Variants in CFAP157 observed in about 807,000 individuals in gnomAD.
CFAP157 encodes the protein cilia and flagella associated protein 157, also known as cilia- and flagella-associated protein 157.
In CFAP157, 43 loss-of-function variants were observed where a neutral mutation model predicts 57.8. The ratio of observed to expected loss-of-function variants is 0.74; its 90% CI spans 0.58 to 0.96. The LOEUF is 0.96. Among genes scored for constraint, CFAP157 ranks in the 40% least tolerant of loss-of-function variants. CFAP157 has a pLI of 0.00. For missense variants in CFAP157, 606 were observed against 655.3 expected (o/e 0.92, Z 0.82); for synonymous variants, 267 against 269.0 (o/e 0.99, Z 0.07).
chr9:127,713,213 G>T lies in CFAP157; in HGVS notation c.1491+7G>T. On this transcript the variant is annotated splice_region_variant and intron_variant, in intron 8 of 8. Coordinates refer to ENST00000373295, the MANE Select transcript of CFAP157 (RefSeq NM_001012502.3). Reference sequence around the variant, plus strand: ...GGCACACAGCAGCCCTGAGGTGAGGGTGCCAGGGGCCCCAGGGAAAGCAAG... The same window carrying T: ...GGCACACAGCAGCCCTGAGGTGAGGTTGCCAGGGGCCCCAGGGAAAGCAAG... 2.6e-6 allele frequency: 4 copies of T among 1,519,514 alleles called. No homozygotes were observed. The highest frequency in any genetic ancestry group is 3.5e-6 in the Non-Finnish European group (4 of 1,133,928). 94.1% of individuals were successfully genotyped at this position (1,519,514 alleles called of 1,614,324 possible).
rs747616414 is a variant in CFAP157 at position 127,709,586 on chromosome 9, A to C, written c.326A>C (p.Gln109Pro). Reference sequence around the variant, plus strand: ...CTCAACGAGCAGCTCCAGAACTTGCAGCTAGCCAAAGAGATGGAGAAGGAT... The same window carrying C: ...CTCAACGAGCAGCTCCAGAACTTGCCGCTAGCCAAAGAGATGGAGAAGGAT... ...TDLNEQLQNL[Q>P]LAKEMEKDAF... The change falls in exon 2 of 9, where the codon CAG becomes CCG. Residue 109 changes from glutamine (Q) to proline (P), a missense_variant. Coordinates refer to ENST00000373295, the MANE Select transcript of CFAP157 (RefSeq NM_001012502.3). This position sits in a 1 kb window ranked among gnomAD's most constrained non-coding sequence, Gnocchi z 4.7. 1 of 1,614,054 alleles carries C rather than the reference A, an allele frequency of 6.2e-7. No individual in the cohort carries two copies. The highest frequency in any genetic ancestry group is 1.6e-4 in the Middle Eastern group (1 of 6,062).
At position 127,715,119 on chromosome 9, in the gene CFAP157, G is replaced by C; in HGVS notation, c.*1214G>C. ...CAACTCTCCGCCACACCCAGCCGCC[G>C]CGCCAGCTGCCCCAGCACCGCCATG... is the stretch of plus-strand genomic sequence containing the variant. On this transcript the variant is annotated 3_prime_UTR_variant, in exon 9 of 9. Transcript: ENST00000373295. This position sits in a 1 kb window ranked among gnomAD's most constrained non-coding sequence, Gnocchi z 5.8. 1 of 1,534,886 alleles carries C rather than the reference G, an allele frequency of 6.5e-7. No individual in the cohort carries two copies. Among genetic ancestry groups the C allele is most frequent in the Non-Finnish European group, 8.7e-7 (1 of 1,146,320 alleles).
rs772829577 is a variant in CFAP157 at position 127,709,595 on chromosome 9, A to G, written c.335A>G (p.Lys112Arg). ...NEQLQNLQLA[K>R]EMEKDAFEAQ... ...CAGCTCCAGAACTTGCAGCTAGCCA[A>G]AGAGATGGAGAAGGATGCCTTCGAG... Residue 112 changes from lysine (K) to arginine (R), a missense_variant, in exon 2 of 9, where the codon AAA becomes AGA. Coordinates refer to ENST00000373295, the MANE Select transcript of CFAP157 (RefSeq NM_001012502.3). The surrounding 1 kb of genome is among the most constrained non-coding windows in gnomAD (Gnocchi z 4.7). 1.9e-6 allele frequency: 3 copies of G among 1,613,982 alleles called. No individual in the cohort carries two copies. The South Asian group carries it at 3.3e-5, about 18-fold the overall frequency.
In CFAP157 at chr9:127,713,004, G is replaced by A. The variant is rs199630039; in HGVS notation, c.1305-16G>A. ...GCTCGCCGAAGGCTCTGTGACCCTCGGCCCCCTCCCCACAGCCGGCCCAGC... is the reference window on the plus strand; with the variant it reads ...GCTCGCCGAAGGCTCTGTGACCCTCAGCCCCCTCCCCACAGCCGGCCCAGC... On this transcript the variant is annotated splice_polypyrimidine_tract_variant and intron_variant, in intron 7 of 8. Transcript: ENST00000373295. 9.9e-5 allele frequency: 160 copies of A among 1,610,270 alleles called. No homozygotes were observed. The African/African-American group carries it at 1.8e-3, about 18-fold the overall frequency.
Position 127,715,791 on chromosome 9 carries a change from T to G in CFAP157, c.*1886T>G, listed in dbSNP as rs1326378701. 3.4e-6 allele frequency: 5 copies of G among 1,461,290 alleles called. No homozygotes were observed. The South Asian group carries it at 6.4e-5, about 19-fold the overall frequency. The allele number at this position is 1,461,290 out of a possible 1,614,324, so 90.5% of individuals were successfully genotyped here. On this transcript the variant is annotated 3_prime_UTR_variant, in exon 9 of 9. Coordinates refer to ENST00000373295, the MANE Select transcript of CFAP157 (RefSeq NM_001012502.3). This position sits in a 1 kb window ranked among gnomAD's most constrained non-coding sequence, Gnocchi z 5.8. The stretch of plus-strand genomic sequence containing the variant: ...CTGAGGGGCGGAAGCGGCGAGGCGG[T>G]GGCCGAGTCCGGGAACCCAGGCGCC...
In CFAP157 at chr9:127,714,128, C is replaced by T. The variant is rs565746487; in HGVS notation, c.*223C>T. 49 of 1,613,394 alleles carry T rather than the reference C, an allele frequency of 3.0e-5. No individual in the cohort carries two copies. The highest frequency in any genetic ancestry group is 8.3e-5 in the Admixed American group (5 of 59,970). On this transcript the variant is annotated 3_prime_UTR_variant, in exon 9 of 9. Coordinates refer to ENST00000373295, the MANE Select transcript of CFAP157 (RefSeq NM_001012502.3). ...CGGCCCCAGTGAGGGCCCCTGGCTT[C>T]GCTCACGGATGTGGTCCAAGATCAG...
At chr9:127,710,445 C>CCAGGCAGGGTAGGGT (rs1167151056) in intron 2 of CFAP157, among the ~76,000 whole-genome samples, 156 bp from the exon 3 acceptor site, 1 of 152,036 alleles carries the variant, frequency 6.6e-6, no homozygotes, top group Admixed American at 6.6e-5. Flanking sequence ...GGTGACAGGG[C>CCAGGCAGGGTAGGGT]CAGGCAGGGT....
In CFAP157 at chr9:127,714,610, T is replaced by C. The variant is rs756589563; in HGVS notation, c.*705T>C. The C allele has an allele frequency of 7.4e-6, 12 of 1,613,740 alleles. No homozygotes were observed. The highest frequency in any genetic ancestry group is 1.0e-5 in the Non-Finnish European group (12 of 1,179,850). On this transcript the variant is annotated 3_prime_UTR_variant, in exon 9 of 9. Transcript: ENST00000373295. ...ACCATCTCAGGACCTCACCTGGCAC[T>C]GCCCCCCAGCTTCAGAGCCAGTCTC...
At chr9:127,710,842 TG>T in intron 3 of CFAP157, 88 bp downstream of exon 3, 4 of 1,438,934 alleles carry the variant, frequency 2.8e-6, no homozygotes, top group Non-Finnish European at 2.8e-6. Context: ...AGCTTCTAAC[TG>T]GGGGGTTAGA....
Position 127,712,733 on chromosome 9 carries a change from G to A in CFAP157, c.1162G>A (p.Asp388Asn), listed in dbSNP as rs1490100962. ...LQMHRDEEDS[D>N]VDVTFQPWHK... ...GATGCACCGCGATGAAGAGGACAGT[G>A]ACGTTGACGTGACGTTCCAGCCATG... Residue 388 changes from aspartate to asparagine, a missense_variant, in exon 7 of 9, where the codon GAC (aspartate) becomes AAC (asparagine). Asp to Asn is a conservative substitution (Grantham distance 23, BLOSUM62 1). Transcript: ENST00000373295. The A allele has an allele frequency of 7.4e-6, 12 of 1,614,032 alleles. No homozygotes were observed. The highest frequency in any genetic ancestry group is 1.3e-5 in the African/African-American group (1 of 74,912).
chr9:127,707,052 G>A lies in CFAP157; in HGVS notation c.21G>A (p.Val7=). The change falls in exon 1 of 9, where the codon GTG becomes GTA. Residue 7 remains valine (V), a synonymous_variant. Transcript: ENST00000373295. Reference sequence around the variant, plus strand: ...CAGCCATGGCTCCCAAAAAGAGTGTGAGCAAGGCAGGCAAGGAGCTTGAAG... The same window carrying A: ...CAGCCATGGCTCCCAAAAAGAGTGTAAGCAAGGCAGGCAAGGAGCTTGAAG... MAPKKS[V]SKAGKELEVK... The A allele has an allele frequency of 6.2e-7, 1 of 1,613,978 alleles. No homozygotes were observed. The highest frequency in any genetic ancestry group is 8.5e-7 in the Non-Finnish European group (1 of 1,180,006).
In CFAP157 at chr9:127,711,455, A is replaced by G. The variant is rs940344876; in HGVS notation, c.814A>G (p.Thr272Ala). 6 of 1,613,998 alleles carry G rather than the reference A, an allele frequency of 3.7e-6. No homozygotes were observed. The highest frequency in any genetic ancestry group is 5.1e-6 in the Non-Finnish European group (6 of 1,180,032). Residue 272 changes from threonine to alanine, a missense_variant, in exon 4 of 9, where the codon ACC (threonine) becomes GCC (alanine). By Grantham distance (58) the Thr-to-Ala change is moderately conservative (BLOSUM62 0). Coordinates refer to ENST00000373295, the MANE Select transcript of CFAP157 (RefSeq NM_001012502.3). ...LCKQLELLEN[T>A]QKVMARHKRG... ...CAAACAGCTGGAGCTGCTGGAGAAC[A>G]CCCAGAAGGTCATGGCCAGGCACAA...
chr9:127,715,559 C>CG lies in CFAP157; in HGVS notation c.*1660dup, dbSNP rs758395587. Reference sequence around the variant, plus strand: ...CGCCACTCACCATCCACCGCTTCCCCGGGGGGCGAGGCTCCAAAACACATC... The same window carrying CG: ...CGCCACTCACCATCCACCGCTTCCCCGGGGGGGCGAGGCTCCAAAACACATC... On this transcript the variant is annotated 3_prime_UTR_variant, in exon 9 of 9. Coordinates refer to ENST00000373295, the MANE Select transcript of CFAP157 (RefSeq NM_001012502.3). The surrounding 1 kb of genome is among the most constrained non-coding windows in gnomAD (Gnocchi z 5.8). 14 of 1,613,384 alleles carry CG rather than the reference C, an allele frequency of 8.7e-6. No individual in the cohort carries two copies. In the East Asian group the frequency reaches 1.6e-4, roughly 18 times the overall value.
rs745641656 is a variant in CFAP157 at position 127,714,002 on chromosome 9, T to C, written c.*97T>C. 38 of 1,580,082 alleles carry C rather than the reference T, an allele frequency of 2.4e-5. No individual in the cohort carries two copies. Among genetic ancestry groups the C allele is most frequent in the Admixed American group, 6.7e-5 (4 of 59,404 alleles). On this transcript the variant is annotated 3_prime_UTR_variant, in exon 9 of 9. Transcript: ENST00000373295. ...CAGCCTGGAACAGTCTAGAGGAGATTTGTATAAAAAGTAGATACCAAGGCT... is the reference window on the plus strand; with the variant it reads ...CAGCCTGGAACAGTCTAGAGGAGATCTGTATAAAAAGTAGATACCAAGGCT...
chr9:127,713,435 C>T (rs1281984456), intron 8 of CFAP157: 7 of 483,608 alleles, frequency 1.4e-5, no homozygotes, highest in South Asian at 4.2e-5. Context: ...TTCCCTCCCC[C>T]ACCAGCAGGG....
chr9:127,712,577 C>T (rs762148428), intron 6 of CFAP157, 132 bp from the exon 7 acceptor site: 59 of 1,559,612 alleles, frequency 3.8e-5, no homozygotes, highest in Non-Finnish European at 4.5e-5. Flanking sequence ...TCAGTCTTCC[C>T]GACTGAAGAA....
intron 4 of CFAP157, 26 bp from the exon 5 acceptor site, chr9:127,711,794 G>A: frequency 6.5e-7 from 1 of 1,549,522 alleles, no homozygotes; most frequent in Non-Finnish European, 8.7e-7. Flanking sequence ...CAGGCTGAGG[G>A]CATGGCCACC....
rs1842840342 is a variant in CFAP157, at chr9:127,714,142, G to C, written c.*237G>C. On this transcript the variant is annotated 3_prime_UTR_variant, in exon 9 of 9. Transcript: ENST00000373295. ...GCCCCTGGCTTCGCTCACGGATGTG[G>C]TCCAAGATCAGGTCGGTGGCTCGAT... 6.2e-7 allele frequency: 1 copy of C among 1,613,780 alleles called. No homozygotes were observed. Among genetic ancestry groups the C allele is most frequent in the African/African-American group, 1.3e-5 (1 of 75,066 alleles).
At position 127,709,733 on chromosome 9, in the gene CFAP157, C is replaced by T. The variant is rs767592297; in HGVS notation, c.433+40C>T. On this transcript the variant is annotated intron_variant, in intron 2 of 8. Transcript: ENST00000373295. This position sits in a 1 kb window ranked among gnomAD's most constrained non-coding sequence, Gnocchi z 4.7. ...GGCTGGTGAGCCTGCAGGCACACAT[C>T]CCAGCTCTATCACTGACCCTGTTTC... 6 of 1,590,836 alleles carry T rather than the reference C, an allele frequency of 3.8e-6. No individual in the cohort carries two copies. In the South Asian group the frequency reaches 6.7e-5, roughly 18 times the overall value.
Sources: gnomAD v4.1 joint callset for allele counts (sites outside exome capture counted in the v4.1 genomes callset) on GRCh38, gnomAD v4.1.1 for gene constraint, Gnocchi (gnomAD v3.1) non-coding constraint, MANE v1.5 for transcripts, NCBI Gene and HGNC (gene_info 2026-07-23, HGNC 2026-07-21) for gene names.